BBX: variants seen among roughly 807,000 people sequenced by gnomAD.
BBX encodes the protein HMG box transcription factor BBX.
Under a neutral mutation model 100.2 loss-of-function variants are expected in BBX, and 30 were observed. The ratio of observed to expected loss-of-function variants is 0.30; its 90% CI spans 0.22 to 0.41. BBX has a LOEUF of 0.41. BBX is among the 10% of genes least tolerant of loss of function. The pLI is 1.00. For synonymous variants in BBX, 376 were observed against 388.1 expected, an observed-to-expected ratio of 0.97 and a Z score of 0.37; for missense variants, 1,023 against 1,129.8, an observed-to-expected ratio of 0.91 and a Z score of 1.35.
intron 2 of BBX, among the ~76,000 whole-genome samples, chr3:107,641,001 G>C (rs998459729): frequency 7.9e-5 from 12 of 152,002 alleles, no homozygotes; most frequent in African/African-American, 2.9e-4. Flanking sequence ...TAGGAGGTTA[G>C]TAATTTCCCA....
intron 2 of BBX, among the ~76,000 whole-genome samples, chr3:107,590,972 A>C (rs2107589975): frequency 6.6e-6 from 1 of 152,362 alleles, no homozygotes; most frequent in South Asian, 2.1e-4. Flanking sequence ...GTATTGCCGG[A>C]AACTTAGTTA....
intron 2 of BBX, among the ~76,000 whole-genome samples, chr3:107,584,841 G>A (rs681560): frequency 7.3e-5 from 11 of 151,502 alleles, no homozygotes; most frequent in Admixed American, 3.3e-4. Context: ...ACAGGCATGC[G>A]CAACCACACC....
intron 10 of BBX, among the ~76,000 whole-genome samples, chr3:107,766,630 T>C (rs1171495541): frequency 2.0e-5 from 3 of 152,008 alleles, no homozygotes; most frequent in African/African-American, 7.3e-5. Flanking sequence ...TAAATCAAAG[T>C]TAGAAAAAGC....
chr3:107,758,563 C>G (rs1407589324), intron 10 of BBX, among the ~76,000 whole-genome samples: 3 of 152,086 alleles, frequency 2.0e-5, no homozygotes, highest in Non-Finnish European at 4.4e-5. Context: ...AGGAGTGATA[C>G]TCAACTGGTT....
At chr3:107,705,331 T>C (rs1012768845) in intron 3 of BBX, among the ~76,000 whole-genome samples, 10 of 152,216 alleles carry the variant, frequency 6.6e-5, no homozygotes, top group African/African-American at 2.4e-4. Context: ...GAGTGGAATT[T>C]CATTGGACTT....
intron 2 of BBX, among the ~76,000 whole-genome samples, chr3:107,580,627 A>T (rs2052201460): frequency 6.7e-6 from 1 of 150,128 alleles, no homozygotes; most frequent in Admixed American, 6.6e-5. Flanking sequence ...ACTGTTAAGC[A>T]CTCAATTTTT....
In BBX at chr3:107,795,252, C is replaced by T. The variant is rs116297919; in HGVS notation, c.2354-3271C>T. On this transcript the variant is annotated intron_variant, in intron 15 of 17. Coordinates refer to ENST00000325805, the MANE Select transcript of BBX (RefSeq NM_001142568.3). ...AAGCTTTTGTCTGCTTTGCCAATGT[C>T]GTTGGACTCAGATCTACTGTTTTGT... Among the ~76,000 whole-genome samples the T allele has an allele frequency of 8.8e-3, 1,335 of 152,242 alleles. 11 individuals are homozygous for T. The highest frequency in any genetic ancestry group is 0.03 in the African/African-American group (1,237 of 41,528).
At chr3:107,699,227 G>A (rs1313769496) in intron 3 of BBX, among the ~76,000 whole-genome samples, 2 of 151,800 alleles carry the variant, frequency 1.3e-5, no homozygotes, top group Non-Finnish European at 2.9e-5. Context: ...GTGGCGTGAG[G>A]TGAGATCCAA....
At chr3:107,799,537 G>A (rs1222557706) in intron 16 of BBX, among the ~76,000 whole-genome samples, 4 of 152,044 alleles carry the variant, frequency 2.6e-5, no homozygotes, top group African/African-American at 7.2e-5. Context: ...CTTAATTCCA[G>A]GAGATCCTAT....
chr3:107,715,970 GTTC>G (rs2062073784), intron 4 of BBX, among the ~76,000 whole-genome samples: 1 of 152,124 alleles, frequency 6.6e-6, no homozygotes, highest in South Asian at 2.1e-4. Context: ...TTATTGTGTA[GTTC>G]TTCTTTCAAA....
chr3:107,587,211 C>A (rs2052917284), intron 2 of BBX, among the ~76,000 whole-genome samples: 1 of 151,630 alleles, frequency 6.6e-6, no homozygotes, highest in Non-Finnish European at 1.5e-5. Context: ...TGGTTCATGC[C>A]AGCAATCCCA....
intron 9 of BBX, among the ~76,000 whole-genome samples, chr3:107,748,479 A>G (rs983020833): frequency 1.1e-4 from 16 of 152,312 alleles, no homozygotes; most frequent in Admixed American, 9.8e-4. Context: ...TTAGCTTTCA[A>G]TGTGATGTAG....
intron 10 of BBX, among the ~76,000 whole-genome samples, chr3:107,765,635 C>T (rs556752646): frequency 8.5e-4 from 129 of 152,282 alleles, no homozygotes; most frequent in African/African-American, 3.0e-3. Flanking sequence ...TTGAAACTGC[C>T]TTCCAGTACA....
At chr3:107,675,622 C>G (rs986663857) in intron 3 of BBX, among the ~76,000 whole-genome samples, 4 of 151,818 alleles carry the variant, frequency 2.6e-5, no homozygotes, top group African/African-American at 9.7e-5. Context: ...CCTTTTAGAT[C>G]AAAAATGAAA....
intron 7 of BBX, among the ~76,000 whole-genome samples, chr3:107,734,179 C>T (rs1464602896): frequency 6.6e-6 from 1 of 152,104 alleles, no homozygotes; most frequent in African/African-American, 2.4e-5. Context: ...AGATAATAAC[C>T]TATTTACATT....
chr3:107,685,304 A>G (rs1267598082), intron 3 of BBX, among the ~76,000 whole-genome samples: 1 of 152,190 alleles, frequency 6.6e-6, no homozygotes, highest in African/African-American at 2.4e-5. Flanking sequence ...ACCTTGATCC[A>G]CTTTAACTTG....
At chr3:107,696,924 C>T (rs1354251917) in intron 3 of BBX, among the ~76,000 whole-genome samples, 1 of 151,580 alleles carries the variant, frequency 6.6e-6, no homozygotes, top group Non-Finnish European at 1.5e-5. Flanking sequence ...TCTAAACTTC[C>T]CTTCTTGCTT....
chr3:107,711,404 A>T (rs2061714934), intron 4 of BBX: 3 of 448,168 alleles, frequency 6.7e-6, no homozygotes, highest in African/African-American at 6.2e-5. Flanking sequence ...TGAAAGAATA[A>T]ATGAGTACAT....
At chr3:107,527,061 A>G (rs750325266) in intron 2 of BBX, among the ~76,000 whole-genome samples, 4 of 152,248 alleles carry the variant, frequency 2.6e-5, no homozygotes, top group Non-Finnish European at 5.9e-5. Flanking sequence ...TTTCAGATAT[A>G]TGACTCCCAA....
Sources: allele counts gnomAD v4.1 joint callset (sites outside exome capture counted in the v4.1 genomes callset), GRCh38; gene constraint gnomAD v4.1.1; transcripts MANE v1.5; gene names NCBI Gene and HGNC (gene_info 2026-07-23, HGNC 2026-07-21).